ZSCAN22: variants seen among roughly 807,000 people sequenced by gnomAD.
The protein encoded by ZSCAN22 is zinc finger and SCAN domain-containing protein 22.
ZSCAN22 carries 7 observed loss-of-function variants against 12.4 expected under a neutral mutation model. The ratio of observed to expected loss-of-function variants is 0.57; its 90% confidence interval spans 0.32 to 1.06. ZSCAN22 has a LOEUF of 1.06. ZSCAN22 is among the 50% of genes least tolerant of loss of function. The pLI is 0.04. For missense variants in ZSCAN22, 576 were observed against 631.7 expected, an observed-to-expected ratio of 0.91 and a Z score of 0.94; for synonymous variants, 243 against 255.9, an observed-to-expected ratio of 0.95 and a Z score of 0.48.
intron 1 of ZSCAN22, among the ~76,000 whole-genome samples, chr19:58,330,611 A>G (rs1329156480): frequency 2.6e-5 from 4 of 152,194 alleles, no homozygotes; most frequent in African/African-American, 7.2e-5. Flanking sequence ...CTTTGTTCCT[A>G]CTGACCAGAT....
rs1416875651 is a variant in ZSCAN22, at chr19:58,334,837, C to G, written c.35C>G (p.Pro12Arg). The G allele has an allele frequency of 1.2e-6, 2 of 1,612,292 alleles. No individual in the cohort carries two copies. The highest frequency in any genetic ancestry group is 2.7e-5 in the African/African-American group (2 of 75,038). The change falls in exon 2 of 3, where the codon CCG becomes CGG. Residue 12 changes from proline (P) to arginine (R), a missense_variant. Coordinates refer to ENST00000329665, the MANE Select transcript of ZSCAN22 (RefSeq NM_181846.3). ...CCCAAGCACTCCCTGAGCCCAGTGC[C>G]GTGGGAAGAGGACAGCTTCCTTCAA... is the stretch of plus-strand genomic sequence containing the variant. ...AIPKHSLSPV[P>R]WEEDSFLQVK...
rs1489484105 is a variant in ZSCAN22, at chr19:58,338,600, G to C, written c.750G>C (p.Leu250=). The change falls in exon 3 of 3, where the codon CTG becomes CTC. Residue 250 remains leucine, a synonymous_variant. Transcript: ENST00000329665. This position sits in a 1 kb window ranked among gnomAD's most constrained non-coding sequence, Gnocchi z 5.4. The part of the protein sequence containing the change: ...EKPPSEDKFD[L]VDAYGTEPPY... ...CTCCTTCAGAAGACAAATTTGATCTGGTGGATGCTTATGGGACAGAGCCTC... is the reference window on the plus strand; with the variant it reads ...CTCCTTCAGAAGACAAATTTGATCTCGTGGATGCTTATGGGACAGAGCCTC... 6.2e-7 allele frequency: 1 copy of C among 1,614,248 alleles called. No individual in the cohort carries two copies. The highest frequency in any genetic ancestry group is 2.2e-5 in the East Asian group (1 of 44,888).
At position 58,340,658 on chromosome 19, in the gene ZSCAN22, G is replaced by C. The variant is rs892011597; in HGVS notation, c.*1332G>C. 1 of 57,682 alleles carries C rather than the reference G, an allele frequency of 1.7e-5. No homozygotes were observed. The highest frequency in any genetic ancestry group is 1.6e-4 in the Admixed American group (1 of 6,062). 3.6% of individuals were successfully genotyped at this position (57,682 alleles called of 1,614,324 possible). A position where few individuals can be genotyped will look rare whatever the true frequency, so the allele number is the denominator to read the frequency against. On this transcript the variant is annotated 3_prime_UTR_variant, in exon 3 of 3. Coordinates refer to ENST00000329665, the MANE Select transcript of ZSCAN22 (RefSeq NM_181846.3). ...GCCCAGCTAGTTTTTTTTTTTTTTT[G>C]TATTTTTAGTAGAGATGGAGTTTCA...
intron 1 of ZSCAN22, among the ~76,000 whole-genome samples, chr19:58,332,638 G>T (rs1371556460): frequency 6.6e-6 from 1 of 152,126 alleles, no homozygotes; most frequent in African/African-American, 2.4e-5. Flanking sequence ...GCATTAATCA[G>T]TACTTCATTT....
intron 1 of ZSCAN22, among the ~76,000 whole-genome samples, chr19:58,328,956 G>A (rs79312900): frequency 1.2e-3 from 182 of 152,276 alleles, no homozygotes; most frequent in African/African-American, 4.1e-3. Flanking sequence ...AAACAGTACA[G>A]AACTAGCAAA....
Position 58,335,668 on chromosome 19 carries a change from G to C in ZSCAN22, c.403+463G>C, listed in dbSNP as rs769660180. ...GGCCTGGTTGGGATCTTATGTTTGT[G>C]TTTGGCCAACCAAATCCCAGGGACT... is the stretch of plus-strand genomic sequence containing the variant. On this transcript the variant is annotated intron_variant, in intron 2 of 2. Transcript: ENST00000329665. This position sits in a 1 kb window ranked among gnomAD's most constrained non-coding sequence, Gnocchi z 4.1. Among the ~76,000 whole-genome samples the C allele has an allele frequency of 6.6e-6, 1 of 152,206 alleles. No individual in the cohort carries two copies. Among genetic ancestry groups the C allele is most frequent in the South Asian group, 2.1e-4 (1 of 4,822 alleles).
At chr19:58,334,036 A>G (rs533447733) in intron 1 of ZSCAN22, among the ~76,000 whole-genome samples, 15 of 152,356 alleles carry the variant, frequency 9.8e-5, no homozygotes, top group Non-Finnish European at 2.2e-4. Context: ...GCGAAAGTCA[A>G]TTATGTATCA....
chr19:58,335,058 G>A lies in ZSCAN22; in HGVS notation c.256G>A (p.Glu86Lys). 1 of 1,614,116 alleles carries A rather than the reference G, an allele frequency of 6.2e-7. No individual in the cohort carries two copies. Among genetic ancestry groups the A allele is most frequent in the East Asian group, 2.2e-5 (1 of 44,882 alleles). Residue 86 changes from glutamate (E) to lysine (K), a missense_variant, in exon 2 of 3, where the codon GAG (glutamate) becomes AAG (lysine). Transcript: ENST00000329665. The surrounding 1 kb of genome is among the most constrained non-coding windows in gnomAD (Gnocchi z 4.1). Reference sequence around the variant, plus strand: ...GCTGCAGCCCGAGGCGCACTCCAAGGAGCAGATACTGGAGCTGCTGGTGCT... The same window carrying A: ...GCTGCAGCCCGAGGCGCACTCCAAGAAGCAGATACTGGAGCTGCTGGTGCT... Reference protein sequence around the residue: ...QWLQPEAHSKEQILELLVLEQ... With the variant: ...QWLQPEAHSKKQILELLVLEQ...
chr19:58,336,128 A>G (rs2051794298), intron 2 of ZSCAN22, among the ~76,000 whole-genome samples: 1 of 152,210 alleles, frequency 6.6e-6, no homozygotes, highest in Admixed American at 6.5e-5. Flanking sequence ...CTTCCTGGCC[A>G]TGTGACTCCC....
Position 58,338,215 on chromosome 19 carries a change from G to C in ZSCAN22, c.404-39G>C. Reference sequence around the variant, plus strand: ...CTCGGCAGAGTAGGGGAGGCTTGGTGTGGTAGGAGGAGTGACAGTGTGGTT... The same window carrying C: ...CTCGGCAGAGTAGGGGAGGCTTGGTCTGGTAGGAGGAGTGACAGTGTGGTT... On this transcript the variant is annotated intron_variant, in intron 2 of 2. Coordinates refer to ENST00000329665, the MANE Select transcript of ZSCAN22 (RefSeq NM_181846.3). The surrounding 1 kb of genome is among the most constrained non-coding windows in gnomAD (Gnocchi z 5.4). 6.5e-7 allele frequency: 1 copy of C among 1,540,532 alleles called. No homozygotes were observed. Among genetic ancestry groups the C allele is most frequent in the Non-Finnish European group, 8.8e-7 (1 of 1,135,188 alleles).
rs777374992 is a variant in ZSCAN22, at chr19:58,338,747, C to T, written c.897C>T (p.Ser299=). The T allele has an allele frequency of 2.0e-5, 33 of 1,614,098 alleles. No individual in the cohort carries two copies. Among genetic ancestry groups the T allele is most frequent in the Middle Eastern group, 1.6e-4 (1 of 6,084 alleles). Residue 299 remains serine, a synonymous_variant, in exon 3 of 3, where the codon AGC becomes AGT. Coordinates refer to ENST00000329665, the MANE Select transcript of ZSCAN22 (RefSeq NM_181846.3). The surrounding 1 kb of genome is among the most constrained non-coding windows in gnomAD (Gnocchi z 5.4). ...CTCGGAAGACCCCATATGCCTGCAGCGAGTGTGGGAAAGCCTTCAGCCGGA... is the reference window on the plus strand; with the variant it reads ...CTCGGAAGACCCCATATGCCTGCAGTGAGTGTGGGAAAGCCTTCAGCCGGA... The part of the protein sequence containing the change: ...THSRKTPYAC[S]ECGKAFSRST...
intron 1 of ZSCAN22, among the ~76,000 whole-genome samples, chr19:58,331,257 G>A (rs1186485032): frequency 1.3e-5 from 2 of 149,664 alleles, no homozygotes; most frequent in Admixed American, 6.6e-5. Context: ...CACTCTGTCG[G>A]CCAGGCTGGA....
chr19:58,330,116 G>A (rs1009046073), intron 1 of ZSCAN22, among the ~76,000 whole-genome samples: 14 of 152,050 alleles, frequency 9.2e-5, no homozygotes, highest in South Asian at 4.1e-4. Context: ...GTGAAACCCC[G>A]TCTCTACTAA....
chr19:58,331,664 C>T (rs1270736525), intron 1 of ZSCAN22, among the ~76,000 whole-genome samples: 1 of 151,210 alleles, frequency 6.6e-6, no homozygotes, highest in Non-Finnish European at 1.5e-5. Context: ...CCTGCCTCAG[C>T]CTCCTAAGTA....
intron 2 of ZSCAN22, among the ~76,000 whole-genome samples, chr19:58,336,709 C>T (rs767134751): frequency 3.9e-5 from 6 of 152,222 alleles, no homozygotes; most frequent in Non-Finnish European, 8.8e-5. Context: ...AGAATCACAG[C>T]AGTACCTCCT....
intron 1 of ZSCAN22, among the ~76,000 whole-genome samples, chr19:58,330,993 G>C (rs2147982872): frequency 6.6e-6 from 1 of 152,234 alleles, no homozygotes; most frequent in Non-Finnish European, 1.5e-5. Context: ...GTAGACACTG[G>C]GGATAAAGCA....
In ZSCAN22 at chr19:58,338,821, A is replaced by C. The variant is rs146020373; in HGVS notation, c.971A>C (p.His324Pro). The change falls in exon 3 of 3, where the codon CAT (histidine) becomes CCT (proline). Residue 324 changes from histidine to proline, a missense_variant. Physicochemically the swap from His to Pro is moderately conservative, Grantham distance 77. Coordinates refer to ENST00000329665, the MANE Select transcript of ZSCAN22 (RefSeq NM_181846.3). The surrounding 1 kb of genome is among the most constrained non-coding windows in gnomAD (Gnocchi z 5.4). ...GTTGTCCACACAGGGGCGAAGCCCC[A>C]TGAGTGTAAGGAATGTGGGAAGGCC... ...HQVVHTGAKP[H>P]ECKECGKAFS... 6.2e-7 allele frequency: 1 copy of C among 1,614,022 alleles called. No homozygotes were observed. Among genetic ancestry groups the C allele is most frequent in the Non-Finnish European group, 8.5e-7 (1 of 1,179,882 alleles).
In ZSCAN22 at chr19:58,341,208, G is replaced by T. The variant is rs1353024492; in HGVS notation, c.*1882G>T. On this transcript the variant is annotated 3_prime_UTR_variant, in exon 3 of 3. Coordinates refer to ENST00000329665, the MANE Select transcript of ZSCAN22 (RefSeq NM_181846.3). ...AGCACCCAAATAAGCCTGGCATGCAGTGGCCTCAATAAAATGTGACTGTAT... is the reference window on the plus strand; with the variant it reads ...AGCACCCAAATAAGCCTGGCATGCATTGGCCTCAATAAAATGTGACTGTAT... The T allele has an allele frequency of 6.6e-6, 1 of 152,186 alleles. No homozygotes were observed. The highest frequency in any genetic ancestry group is 2.4e-5 in the African/African-American group (1 of 41,426). The allele number at this position is 152,186 out of a possible 1,614,324, so 9.4% of individuals were successfully genotyped here.
rs1459418792 is a variant in ZSCAN22, at chr19:58,340,292, A to G, written c.*966A>G. On this transcript the variant is annotated 3_prime_UTR_variant, in exon 3 of 3. Coordinates refer to ENST00000329665, the MANE Select transcript of ZSCAN22 (RefSeq NM_181846.3). Reference sequence around the variant, plus strand: ...AACCTCTCCAGTTATCCTCATATGCATGTATGAATACTGTCATTTTTCTGT... The same window carrying G: ...AACCTCTCCAGTTATCCTCATATGCGTGTATGAATACTGTCATTTTTCTGT... 5 of 152,150 alleles carry G rather than the reference A, an allele frequency of 3.3e-5. No individual in the cohort carries two copies. Among genetic ancestry groups the G allele is most frequent in the Non-Finnish European group, 5.9e-5 (4 of 68,072 alleles). The allele number at this position is 152,150 out of a possible 1,614,324, so 9.4% of individuals were successfully genotyped here.
Sources: allele counts gnomAD v4.1 joint callset (sites outside exome capture counted in the v4.1 genomes callset), GRCh38; gene constraint gnomAD v4.1.1; non-coding constraint Gnocchi (gnomAD v3.1); transcripts MANE v1.5; gene names NCBI Gene and HGNC (gene_info 2026-07-23, HGNC 2026-07-21).